The following UHMK1 variants were observed in gnomAD, a reference collection of about 807,000 sequenced individuals.
UHMK1 encodes the protein U2AF homology motif kinase 1.
Under a neutral mutation model 44.0 loss-of-function variants are expected in UHMK1, and 18 were observed. That is an observed-to-expected ratio of 0.41 (90% CI 0.28 to 0.61). UHMK1 has a LOEUF of 0.61. UHMK1 is among the 20% of genes least tolerant of loss of function. The probability of loss-of-function intolerance (pLI) is 0.31; values close to 1 mark genes in which losing one functional copy is unlikely to be tolerated. For synonymous variants in UHMK1, 231 were observed against 198.5 expected, an observed-to-expected ratio of 1.16 and a Z score of -1.38; for missense variants, 463 against 522.5, an observed-to-expected ratio of 0.89 and a Z score of 1.11.
rs182926193 is a variant in UHMK1, at chr1:162,524,811, A to G, written c.*2261A>G. The G allele has an allele frequency of 3.9e-4, 60 of 152,330 alleles. 1 individual carries two copies. Among genetic ancestry groups the G allele is most frequent in the African/African-American group, 1.4e-3 (58 of 41,582 alleles). The allele number at this position is 152,330 out of a possible 1,614,324, so 9.4% of individuals were successfully genotyped here. On this transcript the variant is annotated 3_prime_UTR_variant, in exon 8 of 8. Coordinates refer to ENST00000489294, the MANE Select transcript of UHMK1 (RefSeq NM_175866.5). ...GCTTGACACTGTAGAATTTTGTTAC[A>G]GAAGATGGTTACTAGATTTTAAGGG...
chr1:162,517,758 G>T (rs537055134), intron 6 of UHMK1, among the ~76,000 whole-genome samples: 1 of 151,912 alleles, frequency 6.6e-6, no homozygotes, highest in Admixed American at 6.6e-5. Flanking sequence ...GGTGGTGCAC[G>T]CCTGTAGTCC....
chr1:162,513,878 T>C (rs570360253), intron 6 of UHMK1, among the ~76,000 whole-genome samples: 1 of 152,336 alleles, frequency 6.6e-6, no homozygotes, highest in Admixed American at 6.5e-5. Context: ...TAGAATAATA[T>C]CTAGTTTATG....
intron 4 of UHMK1, among the ~76,000 whole-genome samples, chr1:162,508,783 T>G (rs1237701461): frequency 6.6e-6 from 1 of 151,876 alleles, no homozygotes; most frequent in South Asian, 2.1e-4. Flanking sequence ...GTTTTTTTTT[T>G]GTACAATAGA....
Position 162,503,767 on chromosome 1 carries a change from C to G in UHMK1, c.767C>G (p.Ala256Gly). Residue 256 changes from alanine (A) to glycine (G), a missense_variant, in exon 4 of 8, where the codon GCT (alanine) becomes GGT (glycine). Coordinates refer to ENST00000489294, the MANE Select transcript of UHMK1 (RefSeq NM_175866.5). ...RSQEWKANSS[A>G]IIDHIFASKA... ...CCGTTTTTTAAGGCAAACAGTTCTG[C>G]TATTATTGATCACATATTTGCCAGT... 1 of 1,613,972 alleles carries G rather than the reference C, an allele frequency of 6.2e-7. No individual in the cohort carries two copies. The highest frequency in any genetic ancestry group is 8.5e-7 in the Non-Finnish European group (1 of 1,179,940).
Position 162,522,908 on chromosome 1 carries a change from T to G in UHMK1, c.*358T>G. The G allele has an allele frequency of 5.8e-6, 1 of 172,550 alleles. No homozygotes were observed. Among genetic ancestry groups the G allele is most frequent in the Non-Finnish European group, 1.3e-5 (1 of 79,528 alleles). 10.7% of individuals were successfully genotyped at this position (172,550 alleles called of 1,614,324 possible). On this transcript the variant is annotated 3_prime_UTR_variant, in exon 8 of 8. Transcript: ENST00000489294. ...TCTTGGTAAATACTAACAAATTTGT[T>G]AGGTTTGGTGACATCATTTACAGAT...
At chr1:162,509,361 G>C (rs1189116991) in intron 4 of UHMK1, among the ~76,000 whole-genome samples, 2 of 152,104 alleles carry the variant, frequency 1.3e-5, no homozygotes, top group African/African-American at 4.8e-5. Flanking sequence ...GCTTTGGCTG[G>C]TTAGTTTTAA....
At chr1:162,503,668 A>G in intron 3 of UHMK1, 86 bp from the exon 4 acceptor site, 1 of 815,998 alleles carries the variant, frequency 1.2e-6, no homozygotes, top group Non-Finnish European at 1.9e-6. Context: ...TTTCTGTTGC[A>G]TTTTACTCTC....
chr1:162,510,129 C>CGTGTTTTAAA (rs1367429974), intron 4 of UHMK1, among the ~76,000 whole-genome samples: 1 of 151,540 alleles, frequency 6.6e-6, no homozygotes, highest in Non-Finnish European at 1.5e-5. Flanking sequence ...TCATGTACAA[C>CGTGTTTTAAA]GTGTTTTAAA....
chr1:162,499,858 C>A, intron 1 of UHMK1, 97 bp from the exon 2 acceptor site: 2 of 1,157,840 alleles, frequency 1.7e-6, no homozygotes, highest in Non-Finnish European at 2.4e-6. Context: ...CAAAGTTATC[C>A]TTATCTAGAC....
intron 7 of UHMK1, among the ~76,000 whole-genome samples, chr1:162,521,413 C>T (rs1335655160): frequency 6.6e-6 from 1 of 151,678 alleles, no homozygotes; most frequent in Non-Finnish European, 1.5e-5. Flanking sequence ...AATTAAGAAT[C>T]AGGTAAAAAA....
intron 2 of UHMK1, chr1:162,500,500 T>C (rs1414471688): frequency 1.1e-5 from 5 of 461,290 alleles, no homozygotes; most frequent in Non-Finnish European, 1.1e-5. Context: ...TTAACCTACA[T>C]AGAATGGTTT....
intron 3 of UHMK1, 44 bp downstream of exon 3, chr1:162,501,148 T>C (rs2101669263): frequency 6.4e-7 from 1 of 1,558,418 alleles, no homozygotes; most frequent in South Asian, 1.2e-5. Context: ...TACTTTCAAC[T>C]TAAGAGTATT....
intron 5 of UHMK1, 42 bp from the exon 6 acceptor site, chr1:162,512,683 G>A (rs768355381): frequency 1.2e-6 from 2 of 1,608,498 alleles, no homozygotes; most frequent in Non-Finnish European, 1.7e-6. Context: ...CAACTTATTT[G>A]GGGGGATTTA....
intron 6 of UHMK1, among the ~76,000 whole-genome samples, chr1:162,516,187 T>TA (rs1387496073): frequency 6.6e-6 from 1 of 152,212 alleles, no homozygotes; most frequent in Non-Finnish European, 1.5e-5. Context: ...TATTGAATCT[T>TA]AGTGTTTAAG....
In UHMK1 at chr1:162,522,708, G is replaced by A. The variant is rs1571021658; in HGVS notation, c.*158G>A. ...CCATTGCCCAAGCAGTGACTGCGTT[G>A]CATACATTTGGCACTGAGTAGGACA... On this transcript the variant is annotated 3_prime_UTR_variant, in exon 8 of 8. Coordinates refer to ENST00000489294, the MANE Select transcript of UHMK1 (RefSeq NM_175866.5). 2.4e-6 allele frequency: 2 copies of A among 828,280 alleles called. No homozygotes were observed. The highest frequency in any genetic ancestry group is 2.7e-5 in the East Asian group (1 of 36,426). 51.3% of individuals were successfully genotyped at this position (828,280 alleles called of 1,614,324 possible). A position where few individuals can be genotyped will look rare whatever the true frequency, so the allele number is the denominator to read the frequency against.
At chr1:162,514,353 A>G (rs536119156) in intron 6 of UHMK1, among the ~76,000 whole-genome samples, 143 of 152,166 alleles carry the variant, frequency 9.4e-4, no homozygotes, top group African/African-American at 3.3e-3. Flanking sequence ...GCTTCTTTGC[A>G]GTTTTTTGCA....
In UHMK1 at chr1:162,500,945, G is replaced by C. The variant is rs1557939351; in HGVS notation, c.594G>C (p.Arg198=). The part of the protein sequence containing the change: ...DVKYIQTDGY[R]APEAELQNCL... Reference sequence around the variant, plus strand: ...AGTATATTCAGACAGACGGGTATCGGGCTCCAGAAGCAGAATTGCAAAATT... The same window carrying C: ...AGTATATTCAGACAGACGGGTATCGCGCTCCAGAAGCAGAATTGCAAAATT... The change falls in exon 3 of 8, where the codon CGG becomes CGC. Residue 198 remains arginine (R), a synonymous_variant. Coordinates refer to ENST00000489294, the MANE Select transcript of UHMK1 (RefSeq NM_175866.5). 4 of 1,613,984 alleles carry C rather than the reference G, an allele frequency of 2.5e-6. No homozygotes were observed. The highest frequency in any genetic ancestry group is 8.5e-7 in the Non-Finnish European group (1 of 1,179,964).
intron 4 of UHMK1, among the ~76,000 whole-genome samples, chr1:162,508,701 TC>T (rs1321221904): frequency 2.7e-5 from 4 of 149,512 alleles, no homozygotes; most frequent in African/African-American, 7.4e-5. Flanking sequence ...GACTCTGTCT[TC>T]AAAAAAAAAA....
At chr1:162,507,181 A>G (rs557829837) in intron 4 of UHMK1, among the ~76,000 whole-genome samples, 2 of 150,796 alleles carry the variant, frequency 1.3e-5, no homozygotes, top group Non-Finnish European at 2.9e-5. Flanking sequence ...GTACAGTGGC[A>G]TGATCTCGGC....
Sources: allele counts gnomAD v4.1 joint callset (sites outside exome capture counted in the v4.1 genomes callset), GRCh38; gene constraint gnomAD v4.1.1; transcripts MANE v1.5; gene names NCBI Gene and HGNC (gene_info 2026-07-23, HGNC 2026-07-21).